PEAK1: variants seen among roughly 807,000 people sequenced by gnomAD.
PEAK1 encodes pseudopodium enriched atypical kinase 1.
Under a neutral mutation model 124.7 loss-of-function variants are expected in PEAK1, and 54 were observed. The ratio of observed to expected loss-of-function variants is 0.43; its 90% CI spans 0.35 to 0.54. PEAK1 has a LOEUF of 0.54. Ranked by LOEUF, PEAK1 falls within the 20% of genes least tolerant of loss-of-function variation. The probability of loss-of-function intolerance (pLI) is 0.01; values close to 1 mark genes in which losing one functional copy is unlikely to be tolerated. For missense variants in PEAK1, 2,046 were observed against 2,134.5 expected (o/e 0.96, Z 0.82); for synonymous variants, 719 against 760.0 (o/e 0.95, Z 0.89).
intron 6 of PEAK1, among the ~76,000 whole-genome samples, chr15:77,185,151 T>C (rs1044170949): frequency 6.6e-6 from 1 of 152,210 alleles, no homozygotes; most frequent in Non-Finnish European, 1.5e-5. Context: ...TTTAGGTTTA[T>C]GTATTCAAAT....
intron 2 of PEAK1, among the ~76,000 whole-genome samples, chr15:77,339,315 GC>G (rs2066398133): frequency 6.6e-6 from 1 of 151,850 alleles, no homozygotes; most frequent in African/African-American, 2.4e-5. Context: ...TGTTGCCCAG[GC>G]TGGTCTAGAG....
At chr15:77,246,721 T>A (rs1335343203) in intron 6 of PEAK1, among the ~76,000 whole-genome samples, 1 of 152,046 alleles carries the variant, frequency 6.6e-6, no homozygotes, top group African/African-American at 2.4e-5. Flanking sequence ...TGTCCAATTA[T>A]TAATTGTGTA....
rs1214427426 is a variant in PEAK1 at position 77,137,532 on chromosome 15, A to C, written c.3332-3782T>G. On this transcript the variant is annotated intron_variant, in intron 8 of 9. Transcript: ENST00000682557. Reference sequence around the variant, plus strand: ...CAAGGGAGATCATTTGGGAACTTTAAGATTTGACTGCCCCGCTGGATTTCG... The same window carrying C: ...CAAGGGAGATCATTTGGGAACTTTACGATTTGACTGCCCCGCTGGATTTCG... 3.3e-5 allele frequency among the ~76,000 whole-genome samples: 5 copies of C among 152,192 alleles called. No individual in the cohort carries two copies. The East Asian group carries it at 9.6e-4, about 29-fold the overall frequency.
intron 2 of PEAK1, among the ~76,000 whole-genome samples, chr15:77,344,239 T>C (rs10162778): frequency 0.36 from 55,280 of 151,930 alleles, 10,201 homozygotes; most frequent in Non-Finnish European, 0.39. Context: ...GGACTACAGG[T>C]GCCAGCCACC....
chr15:77,184,949 A>G (rs1350583645), intron 6 of PEAK1, among the ~76,000 whole-genome samples: 1 of 152,220 alleles, frequency 6.6e-6, no homozygotes, highest in Non-Finnish European at 1.5e-5. Flanking sequence ...TTTACCTTCA[A>G]TAAACCTGAC....
intron 5 of PEAK1, among the ~76,000 whole-genome samples, chr15:77,259,582 A>G (rs548404712): frequency 2.6e-5 from 4 of 152,328 alleles, no homozygotes; most frequent in African/African-American, 9.6e-5. Context: ...CAAAGGTGTT[A>G]GCCTTAAAAC....
At chr15:77,270,629 T>C (rs969816984) in intron 5 of PEAK1, among the ~76,000 whole-genome samples, 2 of 152,162 alleles carry the variant, frequency 1.3e-5, no homozygotes, top group African/African-American at 4.8e-5. Context: ...GCTAAGCTCA[T>C]AGGCTTAGGA....
At position 77,179,838 on chromosome 15, in the gene PEAK1, G is replaced by A; in HGVS notation, c.2089C>T (p.His697Tyr). 1 of 1,614,102 alleles carries A rather than the reference G, an allele frequency of 6.2e-7. No homozygotes were observed. The highest frequency in any genetic ancestry group is 8.5e-7 in the Non-Finnish European group (1 of 1,179,998). ...TTCTGAGCCACTGAGCCCCTTTTAT[G>A]CTCTGTGCTGTTTGAAAACCCTTTA... ...QTKGFSNSTE[H>Y]KRGSVAQKVQ... The change falls in exon 7 of 10, where the codon CAT (histidine) becomes TAT (tyrosine). Residue 697 changes from histidine to tyrosine, a missense_variant. Transcript: ENST00000682557.
At chr15:77,339,928 T>C (rs2066429435) in intron 2 of PEAK1, among the ~76,000 whole-genome samples, 1 of 152,170 alleles carries the variant, frequency 6.6e-6, no homozygotes, top group African/African-American at 2.4e-5. Flanking sequence ...GAACTGCAAA[T>C]TAAAACAATG....
chr15:77,333,782 T>C, intron 2 of PEAK1: 1 of 893,672 alleles, frequency 1.1e-6, no homozygotes, highest in Non-Finnish European at 1.3e-6. Context: ...TTAGTCAATA[T>C]CATATGGTTT....
intron 7 of PEAK1, among the ~76,000 whole-genome samples, chr15:77,176,948 A>G (rs1454871484): frequency 6.6e-6 from 1 of 152,056 alleles, no homozygotes; most frequent in African/African-American, 2.4e-5. Flanking sequence ...TAAATAAATC[A>G]GGCACCTGAA....
intron 6 of PEAK1, among the ~76,000 whole-genome samples, chr15:77,206,397 G>A (rs1427862721): frequency 5.4e-5 from 8 of 147,412 alleles, no homozygotes; most frequent in Non-Finnish European, 1.1e-4. Flanking sequence ...CTGAGGAATC[G>A]CCACACTGAC....
chr15:77,220,036 C>T (rs114160644), intron 6 of PEAK1, among the ~76,000 whole-genome samples: 177 of 152,132 alleles, frequency 1.2e-3, no homozygotes, highest in African/African-American at 4.2e-3. Context: ...AAAGAATTTA[C>T]AGATGTTAGC....
At chr15:77,249,952 A>G (rs1490473644) in intron 6 of PEAK1, among the ~76,000 whole-genome samples, 1 of 151,802 alleles carries the variant, frequency 6.6e-6, no homozygotes, top group African/African-American at 2.4e-5. Flanking sequence ...GCAGTGTTTT[A>G]AAAGTTCCTT....
At position 77,114,205 on chromosome 15, in the gene PEAK1, G is replaced by A. The variant is rs1341914472; in HGVS notation, c.5192C>T (p.Ala1731Val). The change falls in exon 10 of 10, where the codon GCC becomes GTC. Residue 1731 changes from alanine to valine, a missense_variant. By Grantham distance (64) the Ala-to-Val change is moderately conservative (BLOSUM62 0). Transcript: ENST00000682557. ...AATACAACTGAGGGAGTCTGTAGTG[G>A]CAAAAGCCAAATACTGAGCACAAAG... is the stretch of plus-strand genomic sequence containing the variant. ...DWLCAQYLAF[A>V]TTDSLSCIVK... 6.2e-7 allele frequency: 1 copy of A among 1,614,212 alleles called. No homozygotes were observed. The highest frequency in any genetic ancestry group is 1.3e-5 in the African/African-American group (1 of 75,054).
chr15:77,298,197 A>ATTTTTTTTTTTTTTTTTTTTT lies in PEAK1; in HGVS notation c.-602-11714_-602-11694dup, dbSNP rs749000554. ...TAGCTTCTTTTGTTTGGTATCCTTA[A>ATTTTTTTTTTTTTTTTTTTTT]TTTTTTTTTTTTTTTTTTTTTTTTT... On this transcript the variant is annotated intron_variant, in intron 2 of 9. Coordinates refer to ENST00000682557, the MANE Select transcript of PEAK1 (RefSeq NM_001385026.1). 1.9e-4 allele frequency among the ~76,000 whole-genome samples: 7 copies of ATTTTTTTTTTTTTTTTTTTTT among 37,822 alleles called. 3 individuals carry two copies. Among genetic ancestry groups the ATTTTTTTTTTTTTTTTTTTTT allele is most frequent in the East Asian group, 1.0e-3 (1 of 954 alleles). The allele number at this position is 37,822 out of a possible 152,430, so 24.8% of individuals were successfully genotyped here.
intron 2 of PEAK1, among the ~76,000 whole-genome samples, chr15:77,296,773 G>A (rs944623441): frequency 1.3e-5 from 2 of 151,496 alleles, no homozygotes; most frequent in African/African-American, 4.9e-5. Flanking sequence ...TTCTTAGGAG[G>A]TCTCATGTTT....
chr15:77,179,667 C>A lies in PEAK1; in HGVS notation c.2260G>T (p.Val754Leu). ...KIEGTQESQMVGSSSTREKAS... is the reference protein window; with the variant it reads ...KIEGTQESQMLGSSSTREKAS... Reference sequence around the variant, plus strand: ...TTCTCTCTGGTGCTGCTGCTGCCCACCATCTGAGACTCCTGAGTGCCTTCT... The same window carrying A: ...TTCTCTCTGGTGCTGCTGCTGCCCAACATCTGAGACTCCTGAGTGCCTTCT... The change falls in exon 7 of 10, where the codon GTG becomes TTG. Residue 754 changes from valine (V) to leucine (L), a missense_variant. Val to Leu is a conservative substitution (Grantham distance 32). Transcript: ENST00000682557. 1 of 1,614,124 alleles carries A rather than the reference C, an allele frequency of 6.2e-7. No individual in the cohort carries two copies. The highest frequency in any genetic ancestry group is 8.5e-7 in the Non-Finnish European group (1 of 1,180,018).
At chr15:77,141,334 A>T (rs2053766675) in intron 8 of PEAK1, among the ~76,000 whole-genome samples, 1 of 152,228 alleles carries the variant, frequency 6.6e-6, no homozygotes, top group South Asian at 2.1e-4. Flanking sequence ...TAAACCTAAC[A>T]AAACTAGTGT....
Sources: gnomAD v4.1 joint callset for allele counts (sites outside exome capture counted in the v4.1 genomes callset) on GRCh38, gnomAD v4.1.1 for gene constraint, MANE v1.5 for transcripts, NCBI Gene and HGNC (gene_info 2026-07-23, HGNC 2026-07-21) for gene names.